Variants in EXO1 observed in about 807,000 individuals in gnomAD.
The protein encoded by EXO1 is exonuclease 1.
EXO1 carries 69 observed loss-of-function variants against 84.5 expected under a neutral mutation model. The observed-to-expected ratio is 0.82, with a 90% CI of 0.67 to 1.00. EXO1 has a LOEUF of 1.00. EXO1 is among the 50% of genes least tolerant of loss of function. The pLI is 0.00. For missense variants in EXO1, 1,045 were observed against 1,000.7 expected (o/e 1.04, Z -0.60); for synonymous variants, 373 against 366.1 (o/e 1.02, Z -0.21).
intron 15 of EXO1, among the ~76,000 whole-genome samples, chr1:241,887,724 C>T (rs1226572686): frequency 2.6e-5 from 4 of 152,090 alleles, no homozygotes; most frequent in Non-Finnish European, 5.9e-5. Context: ...CTGCAGCCTC[C>T]GCCTCCTGGG....
rs936198365 is a variant in EXO1, at chr1:241,885,585, T to C, written c.2405+78T>C. The C allele has an allele frequency of 4.5e-6, 5 of 1,106,002 alleles. No individual in the cohort carries two copies. In the Admixed American group the frequency reaches 6.8e-5, roughly 15 times the overall value. 68.5% of individuals were successfully genotyped at this position (1,106,002 alleles called of 1,614,324 possible). A position where few individuals can be genotyped will look rare whatever the true frequency, so the allele number is the denominator to read the frequency against. ...ATTTCCATCCCTTTCTCCCAACTCT[T>C]CCTAGTTTCGTATGAGTTTTTGTTT... On this transcript the variant is annotated intron_variant, in intron 15 of 15. Coordinates refer to ENST00000366548, the MANE Select transcript of EXO1 (RefSeq NM_130398.4).
chr1:241,883,432 T>G (rs1662880679), intron 14 of EXO1, among the ~76,000 whole-genome samples: 1 of 152,126 alleles, frequency 6.6e-6, no homozygotes, highest in South Asian at 2.1e-4. Flanking sequence ...AGAGAATATC[T>G]CTTTTGTACC....
intron 14 of EXO1, 73 bp from the exon 15 acceptor site, chr1:241,885,238 AAAG>A: frequency 7.1e-6 from 6 of 849,046 alleles, no homozygotes; most frequent in Admixed American, 5.3e-5. Context: ...ATAAATAAGT[AAAG>A]AATAAAGAAT....
rs1457563159 is a variant in EXO1, at chr1:241,853,493, G to A, written c.405+12G>A. 15 of 1,613,692 alleles carry A rather than the reference G, an allele frequency of 9.3e-6. No individual in the cohort carries two copies. Among genetic ancestry groups the A allele is most frequent in the Non-Finnish European group, 1.3e-5 (15 of 1,179,918 alleles). On this transcript the variant is annotated intron_variant, in intron 6 of 15. Coordinates refer to ENST00000366548, the MANE Select transcript of EXO1 (RefSeq NM_130398.4). ...ACAAAGTAATTAAAGTAAGACAAAG[G>A]GGCAGATGGGCAAGTTCACCAAAGC...
intron 13 of EXO1, among the ~76,000 whole-genome samples, chr1:241,881,267 A>C (rs1019292765): frequency 6.6e-6 from 1 of 152,128 alleles, no homozygotes; most frequent in Non-Finnish European, 1.5e-5. Flanking sequence ...ACCTCAAGTG[A>C]TCTACCCACC....
chr1:241,878,477 CAGAG>C (rs1185700766), intron 12 of EXO1, among the ~76,000 whole-genome samples: 3 of 129,704 alleles, frequency 2.3e-5, no homozygotes, highest in East Asian at 4.8e-4. Flanking sequence ...AGCCTGGTGA[CAGAG>C]AGAGACTCTG....
At position 241,881,956 on chromosome 1, in the gene EXO1, AC is replaced by A; in HGVS notation, c.2152del (p.Gln718ArgfsTer17). ...ATTAAGTTACTTGACAGTCAAAGTG[AC>A]CAGACCTCCAAGCTACGTTTATCTC... ...CNIKLLDSQS[D>X]QTSKLRLSHF... On this transcript the variant is annotated frameshift_variant, in exon 14 of 16. Coordinates refer to ENST00000366548, the MANE Select transcript of EXO1 (RefSeq NM_130398.4). LOFTEE classifies it high-confidence loss of function. 6.3e-7 allele frequency: 1 copy of A among 1,584,514 alleles called. No homozygotes were observed. The highest frequency in any genetic ancestry group is 8.7e-7 in the Non-Finnish European group (1 of 1,155,112).
intron 11 of EXO1, among the ~76,000 whole-genome samples, chr1:241,870,193 G>A (rs1245022353): frequency 6.6e-6 from 1 of 152,150 alleles, no homozygotes; most frequent in Non-Finnish European, 1.5e-5. Context: ...GCAAGTTTGC[G>A]AGTTCTTTAT....
At chr1:241,858,128 A>T (rs959188840) in intron 7 of EXO1, among the ~76,000 whole-genome samples, 2 of 152,234 alleles carry the variant, frequency 1.3e-5, no homozygotes, top group African/African-American at 4.8e-5. Flanking sequence ...AATAAACATG[A>T]ATTGCTTCAA....
chr1:241,861,321 C>T (rs1261433170), intron 9 of EXO1, 85 bp from the exon 10 acceptor site: 6 of 768,224 alleles, frequency 7.8e-6, no homozygotes, highest in Non-Finnish European at 1.4e-5. Flanking sequence ...ATTTTCGTGA[C>T]AATAGAAAAC....
chr1:241,888,471 G>A (rs896594195), intron 15 of EXO1, among the ~76,000 whole-genome samples: 14 of 152,172 alleles, frequency 9.2e-5, no homozygotes, highest in African/African-American at 3.1e-4. Flanking sequence ...CAACATCCAT[G>A]CAAGGGTCAG....
intron 15 of EXO1, among the ~76,000 whole-genome samples, chr1:241,887,726 C>T (rs927767880): frequency 1.1e-4 from 16 of 152,144 alleles, no homozygotes; most frequent in Non-Finnish European, 7.3e-5. Context: ...GCAGCCTCCG[C>T]CTCCTGGGTT....
Position 241,858,584 on chromosome 1 carries a change from G to T in EXO1, c.622G>T (p.Asp208Tyr). 1 of 1,614,108 alleles carries T rather than the reference G, an allele frequency of 6.2e-7. No individual in the cohort carries two copies. Among genetic ancestry groups the T allele is most frequent in the Non-Finnish European group, 8.5e-7 (1 of 1,179,964 alleles). Residue 208 changes from aspartate to tyrosine, a missense_variant, in exon 8 of 16, where the codon GAT becomes TAT. Coordinates refer to ENST00000366548, the MANE Select transcript of EXO1 (RefSeq NM_130398.4). ...ARLGMCRQLG[D>Y]VFTEEKFRYM... is the part of the protein sequence containing the mutation. ...GCTAGGAATGTGCAGACAGCTTGGG[G>T]ATGTATTCACGGAAGAGAAGTTTCG... is the stretch of plus-strand genomic sequence containing the variant.
At chr1:241,885,275 T>C in intron 14 of EXO1, 39 bp from the exon 15 acceptor site, 1 of 1,395,458 alleles carries the variant, frequency 7.2e-7, no homozygotes, top group South Asian at 1.2e-5. Flanking sequence ...AGTTAGTTGC[T>C]TTAACAGAAT....
At chr1:241,872,328 G>T in intron 12 of EXO1, 50 bp downstream of exon 12, 1 of 1,587,364 alleles carries the variant, frequency 6.3e-7, no homozygotes. Flanking sequence ...TATGTACTCT[G>T]TTGGTATTTA....
At chr1:241,878,411 T>C (rs974894850) in intron 12 of EXO1, among the ~76,000 whole-genome samples, 1 of 151,316 alleles carries the variant, frequency 6.6e-6, no homozygotes, top group Non-Finnish European at 1.5e-5. Flanking sequence ...GCAGGAGAAT[T>C]GCTTGAACCC....
chr1:241,856,093 A>G (rs1661017309), intron 6 of EXO1, among the ~76,000 whole-genome samples: 1 of 152,222 alleles, frequency 6.6e-6, no homozygotes, highest in Admixed American at 6.5e-5. Flanking sequence ...GGAGGCGCCG[A>G]GAGCGAGGGA....
chr1:241,868,887 T>C (rs750491950), intron 11 of EXO1, among the ~76,000 whole-genome samples: 9 of 152,206 alleles, frequency 5.9e-5, no homozygotes, highest in Non-Finnish European at 1.3e-4. Flanking sequence ...TGTTTTCTAG[T>C]TGTTCATTGA....
intron 11 of EXO1, 81 bp downstream of exon 11, chr1:241,867,136 A>G: frequency 3.9e-6 from 4 of 1,037,280 alleles, no homozygotes; most frequent in Non-Finnish European, 4.5e-6. Context: ...AGTCGCGAAG[A>G]TTTTCTCCTG....
Sources: gnomAD v4.1 joint callset for allele counts (sites outside exome capture counted in the v4.1 genomes callset) on GRCh38, gnomAD v4.1.1 for gene constraint, MANE v1.5 for transcripts, NCBI Gene and HGNC (gene_info 2026-07-23, HGNC 2026-07-21) for gene names.